CDK14: variants seen among roughly 807,000 people sequenced by gnomAD.
The protein encoded by CDK14 is cyclin-dependent kinase 14.
CDK14 carries 34 observed loss-of-function variants against 60.7 expected under a neutral mutation model. The ratio of observed to expected loss-of-function variants is 0.56; its 90% CI spans 0.43 to 0.75. The LOEUF is 0.75. Ranked by LOEUF, CDK14 falls within the 30% of genes least tolerant of loss-of-function variation. The pLI is 0.00. For missense variants in CDK14, 482 were observed against 564.1 expected (o/e 0.85, Z 1.47); for synonymous variants, 197 against 203.7 (o/e 0.97, Z 0.28).
intron 11 of CDK14, among the ~76,000 whole-genome samples, chr7:91,058,593 T>G (rs570620606): frequency 6.6e-6 from 1 of 152,232 alleles, no homozygotes; most frequent in Non-Finnish European, 1.5e-5. Context: ...ATACCTAATT[T>G]ATTGAGAGTT....
intron 10 of CDK14, among the ~76,000 whole-genome samples, chr7:91,032,388 A>G (rs1354717636): frequency 6.6e-6 from 1 of 152,232 alleles, no homozygotes; most frequent in African/African-American, 2.4e-5. Context: ...ACCCAAAGAT[A>G]GTAAGTCCTT....
At position 90,859,208 on chromosome 7, in the gene CDK14, C is replaced by G. The variant is rs73401829; in HGVS notation, c.545-3967C>G. Among the ~76,000 whole-genome samples, 85 of 152,132 alleles carry G rather than the reference C, an allele frequency of 5.6e-4. 1 individual carries two copies. Among genetic ancestry groups the G allele is most frequent in the Non-Finnish European group, 1.5e-4 (10 of 68,028 alleles). On this transcript the variant is annotated intron_variant, in intron 5 of 14. Coordinates refer to ENST00000380050, the MANE Select transcript of CDK14 (RefSeq NM_001287135.2). The stretch of plus-strand genomic sequence containing the variant: ...ACACCCTTCTTATTGCCTTCCCCAC[C>G]GATCAGTTATCAGACTGCCTTCTTT...
intron 10 of CDK14, among the ~76,000 whole-genome samples, chr7:91,013,253 G>A (rs1057373065): frequency 1.6e-4 from 25 of 151,812 alleles, no homozygotes; most frequent in African/African-American, 5.8e-4. Context: ...TCTTACCAAG[G>A]CTTCTGATTT....
At chr7:90,642,580 A>C (rs1004064571) in intron 2 of CDK14, among the ~76,000 whole-genome samples, 9 of 152,210 alleles carry the variant, frequency 5.9e-5, no homozygotes, top group African/African-American at 1.9e-4. Context: ...GGGTTTCGCC[A>C]TGTTGGCCAG....
intron 10 of CDK14, among the ~76,000 whole-genome samples, chr7:91,009,040 C>T (rs972762852): frequency 4.6e-5 from 7 of 152,020 alleles, no homozygotes; most frequent in South Asian, 4.1e-4. Flanking sequence ...CATCCCCAAG[C>T]GACTACTGAT....
chr7:91,137,689 G>T (rs1562920399), intron 14 of CDK14, among the ~76,000 whole-genome samples: 1 of 48,900 alleles, frequency 2.0e-5, no homozygotes, highest in South Asian at 5.1e-4. Flanking sequence ...AAAGACTTGT[G>T]GGGGGTGTGT....
chr7:90,798,602 A>G (rs1378968055), intron 5 of CDK14, among the ~76,000 whole-genome samples: 1 of 152,230 alleles, frequency 6.6e-6, no homozygotes, highest in Non-Finnish European at 1.5e-5. Context: ...GGAAAGCACC[A>G]TGCACAGTAA....
chr7:90,753,712 A>C (rs1357600841), intron 4 of CDK14, among the ~76,000 whole-genome samples: 1 of 152,222 alleles, frequency 6.6e-6, no homozygotes, highest in Non-Finnish European at 1.5e-5. Context: ...TTTGCTGACA[A>C]TATGATTCTA....
chr7:90,658,247 T>C (rs565441740), intron 2 of CDK14, among the ~76,000 whole-genome samples: 3 of 152,304 alleles, frequency 2.0e-5, no homozygotes, highest in Admixed American at 1.3e-4. Flanking sequence ...GGGTGACTTA[T>C]AAACAACAGA....
chr7:91,086,632 T>C (rs1798648595), intron 12 of CDK14, among the ~76,000 whole-genome samples: 1 of 152,062 alleles, frequency 6.6e-6, no homozygotes, highest in South Asian at 2.1e-4. Context: ...AAAGAGCTGA[T>C]CCAGGTCTTC....
chr7:91,044,964 G>A (rs1445255418), intron 10 of CDK14, among the ~76,000 whole-genome samples: 1 of 152,142 alleles, frequency 6.6e-6, no homozygotes, highest in Non-Finnish European at 1.5e-5. Context: ...CCACACAATT[G>A]AGGTAGATGC....
At chr7:90,694,038 G>T (rs988339119) in intron 2 of CDK14, among the ~76,000 whole-genome samples, 1 of 152,192 alleles carries the variant, frequency 6.6e-6, no homozygotes, top group African/African-American at 2.4e-5. Context: ...CATGACATGT[G>T]GATGTTCAAG....
chr7:91,056,639 A>G (rs558357283), intron 11 of CDK14, among the ~76,000 whole-genome samples: 74 of 145,826 alleles, frequency 5.1e-4, no homozygotes, highest in Non-Finnish European at 9.2e-4. Context: ...ATTCCCACCT[A>G]TGAGTGAGAA....
chr7:90,714,012 A>G (rs1309626696), intron 2 of CDK14, among the ~76,000 whole-genome samples: 1 of 152,048 alleles, frequency 6.6e-6, no homozygotes, highest in Non-Finnish European at 1.5e-5. Context: ...CATCATTGTC[A>G]TCTCATCTAG....
intron 11 of CDK14, among the ~76,000 whole-genome samples, chr7:91,056,466 G>C (rs1797563795): frequency 6.6e-6 from 1 of 152,054 alleles, no homozygotes; most frequent in East Asian, 1.9e-4. Flanking sequence ...GTGCAGGTTG[G>C]TTACATATGT....
At position 91,202,670 on chromosome 7, in the gene CDK14, A is replaced by G. The variant is rs138363769; in HGVS notation, c.*29-4495A>G. ...AAATTGAAGCTGATGCTGCTCAAGG[A>G]GGGAGAAGGGACATCCCGTGCTGCT... On this transcript the variant is annotated intron_variant, in intron 14 of 14. Transcript: ENST00000380050. 1.2e-3 allele frequency among the ~76,000 whole-genome samples: 190 copies of G among 152,302 alleles called. 1 individual carries two copies. Among genetic ancestry groups the G allele is most frequent in the South Asian group, 4.4e-3 (21 of 4,818 alleles).
intron 4 of CDK14, among the ~76,000 whole-genome samples, chr7:90,767,669 A>G (rs1012583848): frequency 2.6e-5 from 4 of 152,206 alleles, no homozygotes; most frequent in African/African-American, 9.6e-5. Context: ...ATTCATTGCC[A>G]TATAAGCATA....
intron 2 of CDK14, among the ~76,000 whole-genome samples, chr7:90,721,476 A>G (rs1386433412): frequency 6.6e-6 from 1 of 152,126 alleles, no homozygotes; most frequent in African/African-American, 2.4e-5. Flanking sequence ...AAATAATCAC[A>G]GTTTGATCGT....
intron 12 of CDK14, among the ~76,000 whole-genome samples, chr7:91,087,762 T>C (rs1798681863): frequency 6.6e-6 from 1 of 152,176 alleles, no homozygotes; most frequent in Non-Finnish European, 1.5e-5. Flanking sequence ...TCTTCTGGAA[T>C]ATTCTTTTTA....
Sources: gnomAD v4.1 joint callset for allele counts (sites outside exome capture counted in the v4.1 genomes callset) on GRCh38, gnomAD v4.1.1 for gene constraint, MANE v1.5 for transcripts, NCBI Gene and HGNC (gene_info 2026-07-23, HGNC 2026-07-21) for gene names.